PDE7B: variants seen among roughly 807,000 people sequenced by gnomAD.
PDE7B encodes 3',5'-cyclic-AMP phosphodiesterase 7B.
Under a neutral mutation model 56.2 loss-of-function variants are expected in PDE7B, and 29 were observed. The ratio of observed to expected loss-of-function variants is 0.52; its 90% CI spans 0.38 to 0.70. The LOEUF is 0.70. Among genes scored for constraint, PDE7B ranks in the 30% least tolerant of loss-of-function variants. The pLI, the probability that PDE7B is intolerant of heterozygous loss-of-function variation, is 0.00. For missense variants in PDE7B, 490 were observed against 565.0 expected (o/e 0.87, Z 1.35); for synonymous variants, 197 against 196.9 (o/e 1.00, Z 0.00).
At chr6:135,926,240 C>T (rs1385986791) in intron 1 of PDE7B, among the ~76,000 whole-genome samples, 5 of 151,892 alleles carry the variant, frequency 3.3e-5, no homozygotes, top group Non-Finnish European at 5.9e-5. Context: ...GCACCCGCCA[C>T]CACGCCCAGC....
chr6:136,086,969 C>T (rs922366603), intron 2 of PDE7B, among the ~76,000 whole-genome samples: 2 of 152,238 alleles, frequency 1.3e-5, no homozygotes, highest in South Asian at 4.2e-4. Context: ...GGGGAGAGAG[C>T]GCCTTCACAA....
intron 11 of PDE7B, 89 bp downstream of exon 11, chr6:136,181,412 T>G (rs1583929326): frequency 2.4e-6 from 2 of 816,616 alleles, no homozygotes; most frequent in East Asian, 2.4e-5. Context: ...TGATCTATCA[T>G]GACATTTGTT....
intron 1 of PDE7B, among the ~76,000 whole-genome samples, chr6:135,890,629 A>G (rs1775794260): frequency 6.6e-6 from 1 of 152,174 alleles, no homozygotes. Flanking sequence ...TTATATATCC[A>G]CCAAAATGAG....
intron 2 of PDE7B, among the ~76,000 whole-genome samples, chr6:136,090,822 AACCACTGT>A (rs1777373071): frequency 6.6e-6 from 1 of 152,138 alleles, no homozygotes; most frequent in Non-Finnish European, 1.5e-5. Context: ...TCACCAAACA[AACCACTGT>A]ACCACCTATT....
chr6:136,025,719 T>C (rs1264476262), intron 2 of PDE7B, among the ~76,000 whole-genome samples: 1 of 152,088 alleles, frequency 6.6e-6, no homozygotes, highest in Non-Finnish European at 1.5e-5. Flanking sequence ...CACATGGAAA[T>C]AGAAGAGATG....
chr6:135,934,829 A>ATATATTTATTATATATATATTTATT (rs2128197587), intron 1 of PDE7B, among the ~76,000 whole-genome samples: 1 of 81,458 alleles, frequency 1.2e-5, no homozygotes, highest in African/African-American at 4.0e-5. Flanking sequence ...TATTTAATAA[A>ATATATTTATTATATATATATTTATT]TAAATATATA....
chr6:136,009,351 GT>G (rs1197958152), intron 2 of PDE7B, among the ~76,000 whole-genome samples: 10 of 152,118 alleles, frequency 6.6e-5, no homozygotes, highest in African/African-American at 2.4e-4. Context: ...CTTTAAAGTA[GT>G]TTTTTCTAAT....
chr6:136,038,315 C>T (rs1435187922), intron 2 of PDE7B: 6 of 1,293,512 alleles, frequency 4.6e-6, no homozygotes, highest in African/African-American at 1.5e-5. Flanking sequence ...GCGATATTTC[C>T]ACCCAGCAGA....
chr6:135,905,878 C>A (rs1485336366), intron 1 of PDE7B, among the ~76,000 whole-genome samples: 1 of 152,178 alleles, frequency 6.6e-6, no homozygotes, highest in Admixed American at 6.5e-5. Context: ...TGGTCACAGG[C>A]ATCGTTTTGC....
chr6:135,910,503 C>T (rs1332414365), intron 1 of PDE7B, among the ~76,000 whole-genome samples: 1 of 152,082 alleles, frequency 6.6e-6, no homozygotes, highest in African/African-American at 2.4e-5. Context: ...AGCCACTTGC[C>T]CCCACACAGG....
At chr6:136,173,712 C>T in intron 8 of PDE7B, 85 bp from the exon 9 acceptor site, 1 of 892,904 alleles carries the variant, frequency 1.1e-6, no homozygotes, top group Non-Finnish European at 1.8e-6. Flanking sequence ...AGGGAAAATG[C>T]TAGCGTCCGT....
At chr6:136,181,482 C>A (rs9321554) in intron 11 of PDE7B, among the ~76,000 whole-genome samples, 159 bp downstream of exon 11, 11,630 of 152,210 alleles carry the variant, frequency 0.076, 1,356 homozygotes, top group African/African-American at 0.25. Context: ...CTCATCCAAC[C>A]CTTTTTCGGA....
intron 8 of PDE7B, among the ~76,000 whole-genome samples, chr6:136,168,657 T>C (rs186890400): frequency 6.6e-6 from 1 of 152,094 alleles, no homozygotes; most frequent in Non-Finnish European, 1.5e-5. Context: ...AAAGGAATGA[T>C]TGGGCACAAG....
At chr6:136,150,005 G>C (rs535007713) in intron 5 of PDE7B, among the ~76,000 whole-genome samples, 21 of 152,150 alleles carry the variant, frequency 1.4e-4, no homozygotes, top group African/African-American at 4.8e-4. Context: ...CTGAGAAACG[G>C]GTACTGGTAA....
At chr6:135,884,320 A>G (rs1171308351) in intron 1 of PDE7B, among the ~76,000 whole-genome samples, 1 of 152,232 alleles carries the variant, frequency 6.6e-6, no homozygotes, top group Admixed American at 6.5e-5. Context: ...AGCATGCTCC[A>G]GTGGCGCAAT....
chr6:136,178,023 T>A (rs1779006932), intron 9 of PDE7B, among the ~76,000 whole-genome samples: 1 of 152,250 alleles, frequency 6.6e-6, no homozygotes, highest in Admixed American at 6.5e-5. Flanking sequence ...AGTCAGTCAC[T>A]GATACATACC....
chr6:135,944,993 G>A (rs1386161174), intron 1 of PDE7B, among the ~76,000 whole-genome samples: 1 of 152,152 alleles, frequency 6.6e-6, no homozygotes, highest in Non-Finnish European at 1.5e-5. Flanking sequence ...GAGCTTCCTA[G>A]CACTTTGTTT....
intron 2 of PDE7B, among the ~76,000 whole-genome samples, chr6:136,002,972 G>C (rs1355208774): frequency 6.6e-6 from 1 of 151,794 alleles, no homozygotes; most frequent in African/African-American, 2.4e-5. Flanking sequence ...CTCAGCAAAT[G>C]TAAAAGAACA....
chr6:136,113,935 A>C (rs1286366228), intron 3 of PDE7B, among the ~76,000 whole-genome samples: 4 of 152,166 alleles, frequency 2.6e-5, no homozygotes, highest in African/African-American at 9.7e-5. Flanking sequence ...ACACAAAGTG[A>C]TTTCCACACC....
Sources: allele counts gnomAD v4.1 joint callset (sites outside exome capture counted in the v4.1 genomes callset), GRCh38; gene constraint gnomAD v4.1.1; transcripts MANE v1.5; gene names NCBI Gene and HGNC (gene_info 2026-07-23, HGNC 2026-07-21).